EPB41L4A: variants seen among roughly 807,000 people sequenced by gnomAD.
EPB41L4A encodes the protein band 4.1-like protein 4A.
EPB41L4A carries 100 observed loss-of-function variants against 108.6 expected under a neutral mutation model. That is an observed-to-expected ratio of 0.92 (90% CI 0.78 to 1.09). The LOEUF (loss-of-function observed/expected upper bound fraction) is 1.09, where lower values mean the gene tolerates loss of function less well. EPB41L4A is among the 50% of genes least tolerant of loss of function. The pLI is 0.00. For synonymous variants in EPB41L4A, 319 were observed against 289.0 expected (o/e 1.10, Z -1.05); for missense variants, 1,030 against 842.7 (o/e 1.22, Z -2.75).
At chr5:112,403,762 G>A (rs900877845) in intron 1 of EPB41L4A, among the ~76,000 whole-genome samples, 5 of 152,132 alleles carry the variant, frequency 3.3e-5, no homozygotes, top group Non-Finnish European at 7.4e-5. Flanking sequence ...GGTACTGCGC[G>A]AGGCCTAAGC....
chr5:112,205,341 C>T lies in EPB41L4A; in HGVS notation c.1262+80G>A. The stretch of plus-strand genomic sequence containing the variant: ...CTAGCTGTGATCAGCCACCCAGCAG[C>T]TGGATTCCTTTATTCAATGAGCTGC... On this transcript the variant is annotated intron_variant, in intron 14 of 22. Transcript: ENST00000261486. The T allele has an allele frequency of 3.3e-6, 4 of 1,206,364 alleles. No homozygotes were observed. The South Asian group carries it at 3.6e-5, about 11-fold the overall frequency. 74.7% of individuals were successfully genotyped at this position (1,206,364 alleles called of 1,614,324 possible). A position where few individuals can be genotyped will look rare whatever the true frequency, so the allele number is the denominator to read the frequency against.
chr5:112,144,649 T>C (rs1759183331), intron 13 of EPB41L4A, among the ~76,000 whole-genome samples: 1 of 152,164 alleles, frequency 6.6e-6, no homozygotes, highest in Non-Finnish European at 1.5e-5. Context: ...AAAGATGATA[T>C]CTTTTGTGAG....
chr5:112,277,121 G>C (rs1052165328), intron 3 of EPB41L4A, among the ~76,000 whole-genome samples: 2 of 152,156 alleles, frequency 1.3e-5, no homozygotes, highest in African/African-American at 2.4e-5. Context: ...TTATCCGTCT[G>C]TGTCAATCAA....
At chr5:112,315,962 T>C (rs1166263543) in intron 1 of EPB41L4A, among the ~76,000 whole-genome samples, 1 of 152,214 alleles carries the variant, frequency 6.6e-6, no homozygotes, top group Non-Finnish European at 1.5e-5. Context: ...AAATGCCTAT[T>C]ACATATTTCT....
intron 1 of EPB41L4A, among the ~76,000 whole-genome samples, chr5:112,395,082 A>T (rs1761240006): frequency 2.6e-5 from 4 of 152,240 alleles, no homozygotes; most frequent in Admixed American, 2.6e-4. Context: ...TACACCTTAT[A>T]CAAAAATTAA....
chr5:112,267,657 C>T (rs1003146738), intron 4 of EPB41L4A, among the ~76,000 whole-genome samples: 1 of 146,808 alleles, frequency 6.8e-6, no homozygotes, highest in Non-Finnish European at 1.5e-5. Context: ...AGGTCACTCT[C>T]TCCTAAACTT....
intron 13 of EPB41L4A, among the ~76,000 whole-genome samples, chr5:112,209,182 A>T (rs1307740828): frequency 6.6e-6 from 1 of 152,212 alleles, no homozygotes; most frequent in Non-Finnish European, 1.5e-5. Context: ...GATTGCTGGG[A>T]TTTCCCCATG....
At chr5:112,409,678 G>A (rs1762301185) in intron 1 of EPB41L4A, among the ~76,000 whole-genome samples, 2 of 151,954 alleles carry the variant, frequency 1.3e-5, no homozygotes, top group South Asian at 2.1e-4. Flanking sequence ...TACTCTTTAG[G>A]AACTAGGCTT....
chr5:112,289,379 C>G (rs370513092), intron 2 of EPB41L4A, among the ~76,000 whole-genome samples: 7 of 152,124 alleles, frequency 4.6e-5, no homozygotes, highest in African/African-American at 1.7e-4. Flanking sequence ...AATCCAGGAG[C>G]CTAAGTAGCC....
At chr5:112,358,585 G>C (rs1758513252) in intron 1 of EPB41L4A, among the ~76,000 whole-genome samples, 2 of 152,194 alleles carry the variant, frequency 1.3e-5, no homozygotes, top group South Asian at 4.1e-4. Context: ...AGAGCAACTA[G>C]AATTCTCACA....
At chr5:112,253,081 A>T (rs1750806485) in intron 9 of EPB41L4A, among the ~76,000 whole-genome samples, 1 of 152,174 alleles carries the variant, frequency 6.6e-6, no homozygotes, top group African/African-American at 2.4e-5. Context: ...AAATTTACAG[A>T]GAATTTTAAA....
chr5:112,249,971 T>C (rs1014508686), intron 9 of EPB41L4A, among the ~76,000 whole-genome samples: 5 of 152,058 alleles, frequency 3.3e-5, no homozygotes, highest in Non-Finnish European at 5.9e-5. Flanking sequence ...TACTCTAGTT[T>C]AAAAAATATT....
chr5:112,208,594 G>C (rs541374022), intron 13 of EPB41L4A, among the ~76,000 whole-genome samples: 1 of 152,120 alleles, frequency 6.6e-6, no homozygotes, highest in African/African-American at 2.4e-5. Context: ...GAGGGGGCAA[G>C]GGTTGAAAAC....
intron 1 of EPB41L4A, among the ~76,000 whole-genome samples, chr5:112,396,259 TA>T (rs902522163): frequency 3.3e-5 from 5 of 151,776 alleles, no homozygotes; most frequent in African/African-American, 7.3e-5. Flanking sequence ...TAAAAAAAAT[TA>T]AAAAAAAGAA....
intron 12 of EPB41L4A, among the ~76,000 whole-genome samples, chr5:112,215,473 C>CA (rs1166617316): frequency 6.6e-6 from 1 of 152,122 alleles, no homozygotes; most frequent in East Asian, 1.9e-4. Context: ...ATTAAAAAGA[C>CA]AAAGCTTGCT....
At chr5:112,186,970 C>A (rs191288415) in intron 17 of EPB41L4A, among the ~76,000 whole-genome samples, 124 of 152,234 alleles carry the variant, frequency 8.1e-4, no homozygotes, top group Non-Finnish European at 1.8e-4. Context: ...ATAATTCTGA[C>A]TTTTTAAGTC....
exon 14 of EPB41L4A, chr5:112,142,512 T>C (rs1190564795): frequency 6.6e-6 from 1 of 152,358 alleles, no homozygotes; most frequent in African/African-American, 2.4e-5. Context: ...GTCAAGAATA[T>C]ACTCATGGAA....
At chr5:112,377,953 A>T (rs1042205560) in intron 1 of EPB41L4A, among the ~76,000 whole-genome samples, 6 of 152,200 alleles carry the variant, frequency 3.9e-5, no homozygotes, top group Admixed American at 6.5e-5. Context: ...CTAGGACAAG[A>T]AGAATCCACC....
intron 7 of EPB41L4A, among the ~76,000 whole-genome samples, chr5:112,260,991 T>C (rs1236241086): frequency 6.6e-6 from 1 of 152,228 alleles, no homozygotes; most frequent in Non-Finnish European, 1.5e-5. Context: ...ATAAACATTA[T>C]ACAAATGTAG....
Sources: gnomAD v4.1 joint callset for allele counts (sites outside exome capture counted in the v4.1 genomes callset) on GRCh38, gnomAD v4.1.1 for gene constraint, MANE v1.5 for transcripts, NCBI Gene and HGNC (gene_info 2026-07-23, HGNC 2026-07-21) for gene names.